The following ASIC2 variants were observed in gnomAD, a reference collection of about 807,000 sequenced individuals.
The protein encoded by ASIC2 is acid-sensing ion channel 2.
In ASIC2, 25 loss-of-function variants were observed where a neutral mutation model predicts 57.3. The observed-to-expected ratio is 0.44, with a 90% CI of 0.32 to 0.61. The LOEUF is 0.61. Among genes scored for constraint, ASIC2 ranks in the 20% least tolerant of loss-of-function variants. The pLI is 0.06. For missense variants in ASIC2, 641 were observed against 738.1 expected, an observed-to-expected ratio of 0.87 and a Z score of 1.52; for synonymous variants, 319 against 307.5, an observed-to-expected ratio of 1.04 and a Z score of -0.39.
chr17:33,879,187 A>G (rs1222542616), intron 1 of ASIC2, among the ~76,000 whole-genome samples: 1 of 152,240 alleles, frequency 6.6e-6, no homozygotes, highest in East Asian at 1.9e-4. Flanking sequence ...GGCTAGGAAG[A>G]AACTGCATCA....
At chr17:33,365,156 C>T (rs1908758991) in intron 1 of ASIC2, among the ~76,000 whole-genome samples, 1 of 152,182 alleles carries the variant, frequency 6.6e-6, no homozygotes, top group Non-Finnish European at 1.5e-5. Context: ...ATACAGAACC[C>T]TCTGCCTTTG....
intron 1 of ASIC2, among the ~76,000 whole-genome samples, chr17:34,148,113 A>G (rs1166292153): frequency 1.3e-5 from 2 of 152,242 alleles, no homozygotes; most frequent in Non-Finnish European, 2.9e-5. Flanking sequence ...ACCCCAGCCA[A>G]TAAGCTTCCA....
chr17:33,128,627 T>C (rs2092333777), intron 1 of ASIC2, among the ~76,000 whole-genome samples: 1 of 152,280 alleles, frequency 6.6e-6, no homozygotes, highest in Admixed American at 6.5e-5. Context: ...TTCAGAGCTG[T>C]CCTGGATTGA....
intron 1 of ASIC2, among the ~76,000 whole-genome samples, chr17:34,075,922 A>G (rs1054492148): frequency 5.8e-5 from 8 of 136,862 alleles, no homozygotes; most frequent in African/African-American, 1.9e-4. Context: ...TCTGCCTCCC[A>G]GGTTCAAGTG....
chr17:33,361,852 C>A (rs893797634), intron 1 of ASIC2, among the ~76,000 whole-genome samples: 3 of 152,212 alleles, frequency 2.0e-5, no homozygotes, highest in Non-Finnish European at 4.4e-5. Flanking sequence ...GTAACTACTG[C>A]CACTTCAGCC....
chr17:34,130,992 C>G (rs550412040), intron 1 of ASIC2, among the ~76,000 whole-genome samples: 1 of 152,216 alleles, frequency 6.6e-6, no homozygotes, highest in South Asian at 2.1e-4. Context: ...GAAAAAGCTG[C>G]ATTGGAGATG....
At chr17:33,879,440 G>A (rs946560567) in intron 1 of ASIC2, among the ~76,000 whole-genome samples, 1 of 151,900 alleles carries the variant, frequency 6.6e-6, no homozygotes, top group Non-Finnish European at 1.5e-5. Context: ...AAAACAAAAG[G>A]CAGGTGTTGC....
chr17:34,141,642 T>C (rs2368700), intron 1 of ASIC2, among the ~76,000 whole-genome samples: 121,868 of 152,188 alleles, frequency 0.8, 49,463 homozygotes, highest in African/African-American at 0.94. Flanking sequence ...GTTAAATCCA[T>C]GTGCTGGGCA....
chr17:33,405,688 T>C (rs1312659319), intron 1 of ASIC2, among the ~76,000 whole-genome samples: 1 of 151,964 alleles, frequency 6.6e-6, no homozygotes, highest in Non-Finnish European at 1.5e-5. Flanking sequence ...TTCAACATGT[T>C]GGTCAGGCTG....
intron 1 of ASIC2, among the ~76,000 whole-genome samples, chr17:33,139,096 T>C (rs1250670912): frequency 6.6e-6 from 1 of 152,212 alleles, no homozygotes; most frequent in Admixed American, 6.5e-5. Flanking sequence ...GCTCTCACCA[T>C]CCATGGCTTT....
At chr17:34,025,858 G>C (rs542474759) in intron 1 of ASIC2, among the ~76,000 whole-genome samples, 2 of 152,284 alleles carry the variant, frequency 1.3e-5, no homozygotes, top group African/African-American at 4.8e-5. Context: ...ATTCAAAAGG[G>C]CTTCTGAGAG....
At chr17:33,562,969 G>T (rs942763419) in intron 1 of ASIC2, among the ~76,000 whole-genome samples, 9 of 152,176 alleles carry the variant, frequency 5.9e-5, no homozygotes, top group Non-Finnish European at 1.3e-4. Context: ...AGTTGCAGCT[G>T]CTCCACAGGA....
intron 1 of ASIC2, among the ~76,000 whole-genome samples, chr17:33,249,791 G>C (rs1218621009): frequency 1.3e-5 from 2 of 152,194 alleles, no homozygotes; most frequent in East Asian, 3.9e-4. Context: ...ACCAAAGGCA[G>C]GGCGGGTGGG....
chr17:33,228,490 TG>T (rs1907967241), intron 1 of ASIC2, among the ~76,000 whole-genome samples: 1 of 152,226 alleles, frequency 6.6e-6, no homozygotes, highest in East Asian at 1.9e-4. Flanking sequence ...CACGTGCGCA[TG>T]GCACGTCCAT....
chr17:33,080,335 G>A (rs1006829914), intron 3 of ASIC2, among the ~76,000 whole-genome samples: 1 of 152,060 alleles, frequency 6.6e-6, no homozygotes, highest in Non-Finnish European at 1.5e-5. Flanking sequence ...ACAGAGGCTG[G>A]GTTTAGCCAA....
At chr17:33,201,231 C>G (rs1170023861) in intron 1 of ASIC2, among the ~76,000 whole-genome samples, 1 of 152,176 alleles carries the variant, frequency 6.6e-6, no homozygotes, top group African/African-American at 2.4e-5. Flanking sequence ...AGTTCTGTGT[C>G]CTCTGTTCCT....
chr17:34,108,055 T>C (rs1047405576), intron 1 of ASIC2, among the ~76,000 whole-genome samples: 1 of 152,190 alleles, frequency 6.6e-6, no homozygotes, highest in African/African-American at 2.4e-5. Context: ...TTACCCTTTT[T>C]CTTACACATG....
intron 1 of ASIC2, among the ~76,000 whole-genome samples, chr17:34,012,383 CAT>C (rs1327163147): frequency 2.0e-5 from 3 of 152,224 alleles, no homozygotes; most frequent in African/African-American, 7.2e-5. Flanking sequence ...TCCCTTGAAA[CAT>C]ATGCAATACC....
At chr17:33,057,170 G>A (rs1353829307) in intron 3 of ASIC2, among the ~76,000 whole-genome samples, 1 of 152,092 alleles carries the variant, frequency 6.6e-6, no homozygotes, top group African/African-American at 2.4e-5. Flanking sequence ...CAGATTCCTG[G>A]GCCTCACCTT....
Sources: allele counts gnomAD v4.1 joint callset (sites outside exome capture counted in the v4.1 genomes callset), GRCh38; gene constraint gnomAD v4.1.1; transcripts MANE v1.5; gene names NCBI Gene and HGNC (gene_info 2026-07-23, HGNC 2026-07-21).